GALNT14: variants seen among roughly 807,000 people sequenced by gnomAD.
GALNT14 encodes UDP-GalNAc:polypeptide N-acetylgalactosaminyltransferase 14.
A neutral mutation model predicts 77.5 loss-of-function variants in GALNT14; 60 were observed. That is an observed-to-expected ratio of 0.77 (90% CI 0.63 to 0.96). The LOEUF (loss-of-function observed/expected upper bound fraction) is 0.96. Among genes scored for constraint, GALNT14 ranks in the 40% least tolerant of loss-of-function variants. The pLI, the probability that GALNT14 is intolerant of heterozygous loss-of-function variation, is 0.00. For synonymous variants in GALNT14, 280 were observed against 281.7 expected (o/e 0.99, Z 0.06); for missense variants, 710 against 731.0 (o/e 0.97, Z 0.33).
intron 9 of GALNT14, among the ~76,000 whole-genome samples, chr2:30,935,692 AC>A (rs1666013911): frequency 6.6e-6 from 1 of 152,058 alleles, no homozygotes; most frequent in Admixed American, 6.5e-5. Flanking sequence ...CAGGTGCTCT[AC>A]CCTTATCTAC....
chr2:30,907,603 G>T (rs1249150472), downstream of GALNT14, among the ~76,000 whole-genome samples: 3 of 151,998 alleles, frequency 2.0e-5, no homozygotes, highest in Non-Finnish European at 4.4e-5. Flanking sequence ...AGGACCAGAT[G>T]GATTCACACC....
At chr2:31,076,552 G>A (rs780011227) in intron 1 of GALNT14, among the ~76,000 whole-genome samples, 2 of 151,856 alleles carry the variant, frequency 1.3e-5, no homozygotes, top group Non-Finnish European at 2.9e-5. Context: ...TTTCCATGGG[G>A]TAAGTCCTAT....
At chr2:31,044,387 C>T (rs1277237290) in intron 1 of GALNT14, among the ~76,000 whole-genome samples, 1 of 152,118 alleles carries the variant, frequency 6.6e-6, no homozygotes, top group East Asian at 1.9e-4. Context: ...TTGGGATTCT[C>T]GATTATTATC....
chr2:31,046,832 T>C (rs1558522937), intron 1 of GALNT14, among the ~76,000 whole-genome samples: 1 of 152,156 alleles, frequency 6.6e-6, no homozygotes, highest in Non-Finnish European at 1.5e-5. Flanking sequence ...CTCATTTATA[T>C]CACTCGTTTC....
At position 31,078,897 on chromosome 2, in the gene GALNT14, A is replaced by G. The variant is rs781270087; in HGVS notation, c.129+59061T>C. ...TAGGGCAAAGCAGGGTTTGGGGACCAGGAGAGCAAAGGACTACAAATTCAG... is the reference window on the plus strand; with the variant it reads ...TAGGGCAAAGCAGGGTTTGGGGACCGGGAGAGCAAAGGACTACAAATTCAG... On this transcript the variant is annotated intron_variant, in intron 1 of 14. Coordinates refer to ENST00000349752, the MANE Select transcript of GALNT14 (RefSeq NM_024572.4). 4.0e-5 allele frequency: 51 copies of G among 1,288,544 alleles called. No individual in the cohort carries two copies. The South Asian group carries it at 6.3e-4, about 16-fold the overall frequency. The allele number at this position is 1,288,544 out of a possible 1,614,324, so 79.8% of individuals were successfully genotyped here.
chr2:30,980,472 G>A (rs753712542), intron 2 of GALNT14, among the ~76,000 whole-genome samples: 2 of 152,216 alleles, frequency 1.3e-5, no homozygotes, highest in Non-Finnish European at 2.9e-5. Flanking sequence ...CTTACTAGAG[G>A]TTAAAGATGA....
intron 1 of GALNT14, among the ~76,000 whole-genome samples, chr2:31,091,216 T>C (rs768670549): frequency 1.3e-5 from 2 of 152,232 alleles, no homozygotes; most frequent in Non-Finnish European, 2.9e-5. Flanking sequence ...GAAGGGCTTT[T>C]GCATTTTTAA....
chr2:31,068,784 A>C (rs938234953), intron 1 of GALNT14, among the ~76,000 whole-genome samples: 3 of 152,250 alleles, frequency 2.0e-5, no homozygotes, highest in African/African-American at 7.2e-5. Flanking sequence ...AAACAAAGCC[A>C]GCATATCCAT....
the GALNT14 span, among the ~76,000 whole-genome samples, chr2:30,889,900 C>G: frequency 4.6e-5 from 7 of 152,136 alleles, no homozygotes; most frequent in Non-Finnish European, 7.3e-5. Context: ...TCTTGCTTGC[C>G]TAACTCTAAA....
intron 2 of GALNT14, 38 bp downstream of exon 2, chr2:30,992,800 G>C (rs776637074): frequency 6.2e-7 from 1 of 1,602,878 alleles, no homozygotes; most frequent in South Asian, 1.1e-5. Flanking sequence ...GATCTCTTTT[G>C]ACTGCGGGGG....
At chr2:30,949,425 G>A (rs1378461320) in intron 6 of GALNT14, among the ~76,000 whole-genome samples, 1 of 152,120 alleles carries the variant, frequency 6.6e-6, no homozygotes, top group Non-Finnish European at 1.5e-5. Context: ...CTGTGTGCAT[G>A]CCCCAGCAGG....
chr2:31,049,512 C>A (rs1673703656), intron 1 of GALNT14, among the ~76,000 whole-genome samples: 1 of 152,170 alleles, frequency 6.6e-6, no homozygotes, highest in Admixed American at 6.5e-5. Flanking sequence ...ATGGAACCAT[C>A]CTGGAAGCTC....
chr2:30,906,918 C>T (rs1216615895), downstream of GALNT14, among the ~76,000 whole-genome samples: 22 of 152,168 alleles, frequency 1.4e-4, no homozygotes, highest in Admixed American at 5.9e-4. Flanking sequence ...CTCAAAACCA[C>T]GCAACTACAT....
intron 2 of GALNT14, among the ~76,000 whole-genome samples, chr2:30,989,610 A>AT: frequency 7.1e-6 from 1 of 141,136 alleles, no homozygotes; most frequent in Non-Finnish European, 1.5e-5. Context: ...AGATATATAA[A>AT]AATATATATT....
intron 1 of GALNT14, among the ~76,000 whole-genome samples, chr2:31,113,521 A>G (rs1677943293): frequency 6.6e-6 from 1 of 152,150 alleles, no homozygotes; most frequent in Non-Finnish European, 1.5e-5. Context: ...AGGGATGGGA[A>G]GCTGAACAGG....
chr2:31,098,171 C>A (rs971598673), intron 1 of GALNT14, among the ~76,000 whole-genome samples: 6 of 152,180 alleles, frequency 3.9e-5, no homozygotes, highest in African/African-American at 1.4e-4. Flanking sequence ...GCATACTCAG[C>A]AAATGTACTG....
At chr2:30,956,726 C>T (rs1010421519) in intron 4 of GALNT14, among the ~76,000 whole-genome samples, 3 of 152,162 alleles carry the variant, frequency 2.0e-5, no homozygotes. Context: ...AGGCTGGTCT[C>T]GAACTCCTGA....
chr2:30,970,161 G>A (rs745786255), intron 2 of GALNT14, among the ~76,000 whole-genome samples: 2 of 152,120 alleles, frequency 1.3e-5, no homozygotes, highest in African/African-American at 2.4e-5. Flanking sequence ...GATCTCACAG[G>A]GGCTGGAAAG....
intron 1 of GALNT14, among the ~76,000 whole-genome samples, chr2:31,014,376 T>G (rs543424680): frequency 2.5e-4 from 38 of 152,306 alleles, no homozygotes; most frequent in South Asian, 1.2e-3. Context: ...TGCAACTCAT[T>G]GCAGGGAGAA....
Sources: gnomAD v4.1 joint callset for allele counts (sites outside exome capture counted in the v4.1 genomes callset) on GRCh38, gnomAD v4.1.1 for gene constraint, MANE v1.5 for transcripts, NCBI Gene and HGNC (gene_info 2026-07-23, HGNC 2026-07-21) for gene names.